TNFRSF19: variants seen among roughly 807,000 people sequenced by gnomAD.
The protein encoded by TNFRSF19 is tumor necrosis factor receptor superfamily member 19.
A neutral mutation model predicts 46.4 loss-of-function variants in TNFRSF19; 27 were observed. The ratio of observed to expected loss-of-function variants is 0.58; its 90% CI spans 0.43 to 0.80. TNFRSF19 has a LOEUF of 0.80. Ranked by LOEUF, TNFRSF19 falls within the 30% of genes least tolerant of loss-of-function variation. The pLI is 0.00. For synonymous variants in TNFRSF19, 204 were observed against 205.0 expected (o/e 1.00, Z 0.04); for missense variants, 511 against 530.8 (o/e 0.96, Z 0.37).
chr13:23,648,371 A>G (rs1883446106), intron 5 of TNFRSF19, among the ~76,000 whole-genome samples: 1 of 152,076 alleles, frequency 6.6e-6, no homozygotes, highest in Non-Finnish European at 1.5e-5. Context: ...TTATTTTCTT[A>G]ATCTGCTTCT....
chr13:23,594,150 G>T, intron 3 of TNFRSF19: 1 of 418,088 alleles, frequency 2.4e-6, no homozygotes, highest in South Asian at 1.7e-5. Context: ...CTGGGGCCCT[G>T]AGTTTTAAGC....
At chr13:23,579,426 A>AC (rs550402755) in intron 1 of TNFRSF19, 76,746 of 152,428 alleles carry the variant, frequency 0.5, 19,600 homozygotes, top group East Asian at 0.72. Context: ...GCTGGACTGG[A>AC]CCCCCATGCA....
chr13:23,647,065 G>T (rs914230156), intron 5 of TNFRSF19, among the ~76,000 whole-genome samples: 1 of 152,022 alleles, frequency 6.6e-6, no homozygotes, highest in Non-Finnish European at 1.5e-5. Flanking sequence ...TGTGCTAATT[G>T]GCCATTAGTA....
At chr13:23,660,616 A>G in intron 7 of TNFRSF19, 126 bp downstream of exon 7, 2 of 1,113,298 alleles carry the variant, frequency 1.8e-6, no homozygotes, top group Non-Finnish European at 2.4e-6. Context: ...GTTAAAACTA[A>G]TCTTGTTAAA....
In TNFRSF19 at chr13:23,668,972, G is replaced by A. The variant is rs956608534; in HGVS notation, c.1120G>A (p.Asp374Asn). The A allele has an allele frequency of 1.5e-5, 25 of 1,614,094 alleles. No individual in the cohort carries two copies. Among genetic ancestry groups the A allele is most frequent in the Non-Finnish European group, 2.1e-5 (25 of 1,180,050 alleles). Residue 374 changes from aspartate (D) to asparagine (N), a missense_variant, in exon 9 of 10, where the codon GAT (aspartate) becomes AAT (asparagine). Physicochemically the swap from Asp to Asn is conservative, Grantham distance 23. This residue lies in a region of TNFRSF19 where 376 missense variants were observed against 372.7 expected (regional missense o/e 1.01). Coordinates refer to ENST00000248484, the MANE Select transcript of TNFRSF19 (RefSeq NM_148957.4). Reference sequence around the variant, plus strand: ...TTCTGAAAACTTTACAGCAGCTACTGATTTATCTAGATATAACAACACACT... The same window carrying A: ...TTCTGAAAACTTTACAGCAGCTACTAATTTATCTAGATATAACAACACACT... The part of the protein sequence containing the change: ...SHSENFTAAT[D>N]LSRYNNTLVE...
chr13:23,615,190 G>T (rs1881186818), intron 3 of TNFRSF19, among the ~76,000 whole-genome samples: 1 of 152,198 alleles, frequency 6.6e-6, no homozygotes, highest in Admixed American at 6.5e-5. Context: ...TTGTGGAAAT[G>T]ATTGTATGTG....
intron 5 of TNFRSF19, among the ~76,000 whole-genome samples, chr13:23,636,711 C>T (rs574671063): frequency 3.9e-5 from 6 of 152,126 alleles, no homozygotes; most frequent in South Asian, 4.1e-4. Flanking sequence ...GTGACTGAGT[C>T]GATAGGTGCA....
At chr13:23,633,558 A>G (rs2138312937) in intron 5 of TNFRSF19, among the ~76,000 whole-genome samples, 1 of 152,312 alleles carries the variant, frequency 6.6e-6, no homozygotes, top group Non-Finnish European at 1.5e-5. Context: ...TGCTCAAAAC[A>G]ATAGCTGGGG....
At chr13:23,602,909 A>C in intron 3 of TNFRSF19, among the ~76,000 whole-genome samples, 1 of 152,082 alleles carries the variant, frequency 6.6e-6, no homozygotes, top group Non-Finnish European at 1.5e-5. Context: ...GAAAGAGCCA[A>C]AATTGGTGAT....
chr13:23,629,985 G>A (rs1882249990), intron 5 of TNFRSF19, among the ~76,000 whole-genome samples: 1 of 152,098 alleles, frequency 6.6e-6, no homozygotes, highest in South Asian at 2.1e-4. Context: ...CGGAAAGTGG[G>A]TTCCATGGAG....
chr13:23,674,943 T>C lies in TNFRSF19; in HGVS notation c.*1563T>C, dbSNP rs1951808279. The stretch of plus-strand genomic sequence containing the variant: ...AGGTTTTGATATGTGTTTACTAGCT[T>C]GCCTGTGTCTGGTACATCTCATGAC... On this transcript the variant is annotated 3_prime_UTR_variant, in exon 10 of 10. Coordinates refer to ENST00000248484, the MANE Select transcript of TNFRSF19 (RefSeq NM_148957.4). 6.6e-6 allele frequency: 1 copy of C among 152,214 alleles called. No homozygotes were observed. Among genetic ancestry groups the C allele is most frequent in the Non-Finnish European group, 1.5e-5 (1 of 68,024 alleles). The allele number at this position is 152,214 out of a possible 1,614,324, so 9.4% of individuals were successfully genotyped here. A position where few individuals can be genotyped will look rare whatever the true frequency, so the allele number is the denominator to read the frequency against.
At chr13:23,651,498 C>CA (rs1223498873) in intron 5 of TNFRSF19, among the ~76,000 whole-genome samples, 1 of 152,108 alleles carries the variant, frequency 6.6e-6, no homozygotes, top group East Asian at 1.9e-4. Flanking sequence ...CTAATGAAAA[C>CA]ATAAGGCGTT....
At chr13:23,624,737 A>G (rs1881878039) in intron 4 of TNFRSF19, among the ~76,000 whole-genome samples, 2 of 152,048 alleles carry the variant, frequency 1.3e-5, no homozygotes, top group Admixed American at 1.3e-4. Context: ...TTTTCATTGC[A>G]AATATATACA....
intron 5 of TNFRSF19, among the ~76,000 whole-genome samples, chr13:23,635,768 T>C (rs1882638972): frequency 6.6e-6 from 1 of 152,242 alleles, no homozygotes; most frequent in Non-Finnish European, 1.5e-5. Flanking sequence ...CTATTGTAAG[T>C]CATGCAGCAG....
chr13:23,595,944 G>C (rs1879690135), intron 3 of TNFRSF19, among the ~76,000 whole-genome samples: 1 of 152,132 alleles, frequency 6.6e-6, no homozygotes, highest in Non-Finnish European at 1.5e-5. Context: ...GAAGAGAGTG[G>C]GGGCCAGTAT....
At chr13:23,635,036 T>C (rs1023821608) in intron 5 of TNFRSF19, among the ~76,000 whole-genome samples, 1 of 152,088 alleles carries the variant, frequency 6.6e-6, no homozygotes, top group African/African-American at 2.4e-5. Context: ...CACATAATGG[T>C]CCATGGTGTG....
At position 23,658,917 on chromosome 13, in the gene TNFRSF19, G is replaced by A. The variant is rs1593294541; in HGVS notation, c.446-133G>A. On this transcript the variant is annotated intron_variant, in intron 5 of 9. Transcript: ENST00000248484. ...TCTTCTGGGTGGAGGGGGTGCTTGA[G>A]CCATCTTTAAATATCTCATGCCAGT... The A allele has an allele frequency of 2.0e-5, 23 of 1,145,952 alleles. 1 individual carries two copies. The South Asian group carries it at 2.3e-4, about 12-fold the overall frequency. The allele number at this position is 1,145,952 out of a possible 1,614,324, so 71.0% of individuals were successfully genotyped here. A position where few individuals can be genotyped will look rare whatever the true frequency, so the allele number is the denominator to read the frequency against.
At chr13:23,609,187 A>G (rs1880723921) in intron 3 of TNFRSF19, among the ~76,000 whole-genome samples, 1 of 152,142 alleles carries the variant, frequency 6.6e-6, no homozygotes, top group Admixed American at 6.5e-5. Context: ...TATTTACCCT[A>G]TCTCTCCTCC....
chr13:23,660,592 T>C, intron 7 of TNFRSF19, 102 bp downstream of exon 7: 1 of 1,354,202 alleles, frequency 7.4e-7, no homozygotes. Context: ...GAGGTGGCTG[T>C]GTTGAGTCTT....
Sources: allele counts gnomAD v4.1 joint callset (sites outside exome capture counted in the v4.1 genomes callset), GRCh38; gene constraint gnomAD v4.1.1; regional missense constraint gnomAD v4.1.1; transcripts MANE v1.5; gene names NCBI Gene and HGNC (gene_info 2026-07-23, HGNC 2026-07-21).